The following ODF2L variants were observed in gnomAD, a reference collection of about 807,000 sequenced individuals.
ODF2L encodes the protein outer dense fiber of sperm tails 2 like, also known as protein BCAP.
In ODF2L, 76 loss-of-function variants were observed where a neutral mutation model predicts 86.3. The observed-to-expected ratio is 0.88, with a 90% CI of 0.73 to 1.07. The LOEUF is 1.07. ODF2L is among the 50% of genes least tolerant of loss of function. The pLI, the probability that ODF2L is intolerant of heterozygous loss-of-function variation, is 0.00. For missense variants in ODF2L, 748 were observed against 717.4 expected, an observed-to-expected ratio of 1.04 and a Z score of -0.49; for synonymous variants, 241 against 231.3, an observed-to-expected ratio of 1.04 and a Z score of -0.38.
At chr1:86,394,865 G>C (rs1380399605) in intron 1 of ODF2L, among the ~76,000 whole-genome samples, 1 of 122,656 alleles carries the variant, frequency 8.2e-6, no homozygotes, top group African/African-American at 3.0e-5. Context: ...TTTTGAGACA[G>C]AGTCTCGCGC....
intron 7 of ODF2L, among the ~76,000 whole-genome samples, chr1:86,381,778 G>A (rs1660606017): frequency 6.6e-6 from 1 of 152,004 alleles, no homozygotes; most frequent in Non-Finnish European, 1.5e-5. Flanking sequence ...GAACATCAAA[G>A]TTGGGCTGAT....
intron 1 of ODF2L, among the ~76,000 whole-genome samples, chr1:86,393,984 T>C (rs1661520124): frequency 6.6e-6 from 1 of 152,152 alleles, no homozygotes; most frequent in African/African-American, 2.4e-5. Flanking sequence ...TATTGTCTAA[T>C]CCCAAATAAA....
intron 11 of ODF2L, among the ~76,000 whole-genome samples, chr1:86,361,725 TATTA>T (rs1172731438): frequency 6.6e-6 from 1 of 152,134 alleles, no homozygotes; most frequent in Non-Finnish European, 1.5e-5. Context: ...AGTTATTATA[TATTA>T]ATTAGGACAA....
chr1:86,348,716 A>T, downstream of ODF2L: 1 of 1,393,944 alleles, frequency 7.2e-7, no homozygotes, highest in African/African-American at 1.5e-5. Context: ...CTCATAATAA[A>T]AATCTACTAC....
intron 11 of ODF2L, among the ~76,000 whole-genome samples, chr1:86,361,535 G>A (rs891782185): frequency 3.9e-5 from 6 of 152,134 alleles, no homozygotes; most frequent in Non-Finnish European, 8.8e-5. Context: ...ACTCTCAAGA[G>A]AAGCCATTTA....
intron 8 of ODF2L, among the ~76,000 whole-genome samples, chr1:86,374,198 T>A (rs899074970): frequency 1.1e-4 from 16 of 152,192 alleles, no homozygotes; most frequent in Admixed American, 3.3e-4. Flanking sequence ...TTTGTTTAAA[T>A]TTTTTCACAG....
At chr1:86,364,135 A>T (rs1163513522) in intron 11 of ODF2L, among the ~76,000 whole-genome samples, 1 of 152,222 alleles carries the variant, frequency 6.6e-6, no homozygotes, top group Non-Finnish European at 1.5e-5. Flanking sequence ...TTTAAAATTA[A>T]TTCATCATTT....
chr1:86,374,180 A>T (rs1660012780), intron 8 of ODF2L, among the ~76,000 whole-genome samples: 1 of 152,206 alleles, frequency 6.6e-6, no homozygotes, highest in Non-Finnish European at 1.5e-5. Context: ...TATTACGTGC[A>T]AGACTTTTTT....
At chr1:86,369,662 A>T (rs2101005943) in intron 10 of ODF2L, among the ~76,000 whole-genome samples, 1 of 152,330 alleles carries the variant, frequency 6.6e-6, no homozygotes, top group South Asian at 2.1e-4. Flanking sequence ...TCTGTAATAT[A>T]TAATACACAA....
In ODF2L at chr1:86,378,413, T is replaced by C. The variant is rs1316606165; in HGVS notation, c.625-1995A>G. 2.0e-5 allele frequency among the ~76,000 whole-genome samples: 3 copies of C among 152,342 alleles called. No individual in the cohort carries two copies. The East Asian group carries it at 5.8e-4, about 29-fold the overall frequency. The stretch of plus-strand genomic sequence containing the variant: ...TCCAAACTGTTCTAACCTCTGCCCA[T>C]TACTTAGTTCCAAAGTCATTTCCAC... On this transcript the variant is annotated intron_variant, in intron 7 of 17. Coordinates refer to ENST00000317336, the Ensembl canonical transcript of ODF2L.
chr1:86,389,000 C>T lies in ODF2L; in HGVS notation c.-59-1914G>A, dbSNP rs141902932. Among the ~76,000 whole-genome samples the T allele has an allele frequency of 3.4e-4, 51 of 152,200 alleles. No homozygotes were observed. The East Asian group carries it at 9.3e-3, about 28-fold the overall frequency. On this transcript the variant is annotated intron_variant, in intron 1 of 17. Transcript: ENST00000317336. ...TGAAAATTATCAACAGTCATCTTCTCCAGGACAAATATTGTTCAGAGATTC... is the reference window on the plus strand; with the variant it reads ...TGAAAATTATCAACAGTCATCTTCTTCAGGACAAATATTGTTCAGAGATTC...
exon 3 of ODF2L, chr1:86,385,483 G>C (rs779958413): frequency 6.3e-7 from 1 of 1,588,932 alleles, no homozygotes; most frequent in South Asian, 1.1e-5. Context: ...CTTTTCAATG[G>C]TGTCCTTAAA....
intron 14 of ODF2L, among the ~76,000 whole-genome samples, chr1:86,355,555 G>T (rs1259517241): frequency 6.6e-6 from 1 of 151,852 alleles, no homozygotes; most frequent in Non-Finnish European, 1.5e-5. Flanking sequence ...TTAAGTTCAG[G>T]GGTACAAATG....
At chr1:86,377,262 G>A (rs1365485877) in intron 7 of ODF2L, among the ~76,000 whole-genome samples, 1 of 152,178 alleles carries the variant, frequency 6.6e-6, no homozygotes. Flanking sequence ...CTGATGCAAG[G>A]AGTGGGCTCC....
chr1:86,355,142 G>A lies in ODF2L; in HGVS notation c.1519-283C>T, dbSNP rs1051834680. ...TTTGAACAACACCTTATTGAAGAAA[G>A]ATATTTATTTTGTTAAGTTGAAATA... On this transcript the variant is annotated intron_variant, in intron 14 of 17. Transcript: ENST00000317336. The A allele has an allele frequency of 5.6e-6, 3 of 536,526 alleles. No individual in the cohort carries two copies. In the African/African-American group the frequency reaches 5.8e-5, roughly 10 times the overall value. 33.2% of individuals were successfully genotyped at this position (536,526 alleles called of 1,614,324 possible). A position where few individuals can be genotyped will look rare whatever the true frequency, so the allele number is the denominator to read the frequency against.
chr1:86,366,182 A>C (rs1659400673), intron 11 of ODF2L, among the ~76,000 whole-genome samples: 2 of 152,124 alleles, frequency 1.3e-5, no homozygotes, highest in Admixed American at 1.3e-4. Flanking sequence ...CTCATTTGTA[A>C]ATTTTTAAAT....
intron 10 of ODF2L, among the ~76,000 whole-genome samples, chr1:86,368,918 T>G (rs1041250984): frequency 2.0e-5 from 3 of 152,144 alleles, no homozygotes; most frequent in African/African-American, 7.2e-5. Context: ...TACATAAATC[T>G]GTTTCCATTT....
At chr1:86,353,704 T>C (rs1284838576) in intron 16 of ODF2L, among the ~76,000 whole-genome samples, 2 of 152,172 alleles carry the variant, frequency 1.3e-5, no homozygotes, top group Admixed American at 1.3e-4. Flanking sequence ...TAAGTTATTA[T>C]AAAGATTTCT....
intron 11 of ODF2L, among the ~76,000 whole-genome samples, chr1:86,361,511 A>G (rs1659033076): frequency 6.6e-6 from 1 of 152,218 alleles, no homozygotes; most frequent in South Asian, 2.1e-4. Flanking sequence ...CAAGATGTGC[A>G]GAGCTGTGAG....
Sources: gnomAD v4.1 joint callset for allele counts (sites outside exome capture counted in the v4.1 genomes callset) on GRCh38, gnomAD v4.1.1 for gene constraint, MANE v1.5 for transcripts, NCBI Gene and HGNC (gene_info 2026-07-23, HGNC 2026-07-21) for gene names.